CHD1L: variants seen among roughly 807,000 people sequenced by gnomAD.
The protein encoded by CHD1L is chromodomain helicase DNA binding protein 1 like.
CHD1L carries 118 observed loss-of-function variants against 115.9 expected under a neutral mutation model. That is an observed-to-expected ratio of 1.02 (90% CI 0.88 to 1.19). CHD1L has a LOEUF of 1.19. CHD1L is among the 50% of genes most tolerant of loss of function. The pLI, the probability that CHD1L is intolerant of heterozygous loss-of-function variation, is 0.00. For synonymous variants in CHD1L, 411 were observed against 387.1 expected (o/e 1.06, Z -0.72); for missense variants, 1,179 against 1,065.3 (o/e 1.11, Z -1.49).
At chr1:147,244,068 T>C (rs985151469) in intron 1 of CHD1L, among the ~76,000 whole-genome samples, 2 of 152,208 alleles carry the variant, frequency 1.3e-5, no homozygotes, top group Admixed American at 1.3e-4. Flanking sequence ...GACTGGTCTT[T>C]TTATGTTTGA....
the CHD1L span, among the ~76,000 whole-genome samples, chr1:147,206,528 G>C: frequency 7.9e-5 from 12 of 152,154 alleles, no homozygotes; most frequent in Admixed American, 6.5e-5. Context: ...GTCCAACAAT[G>C]ATAGACTGGA....
the CHD1L span, among the ~76,000 whole-genome samples, chr1:147,236,676 A>G: frequency 6.6e-6 from 1 of 152,034 alleles, no homozygotes; most frequent in South Asian, 2.1e-4. Context: ...GCTCCTCTCC[A>G]CAGCTGGCAG....
intron 22 of CHD1L, 134 bp from the exon 23 acceptor site, chr1:147,295,297 T>C (rs1553975887): frequency 1.5e-6 from 1 of 669,716 alleles, no homozygotes; most frequent in African/African-American, 1.8e-5. Context: ...ATATTGAAAG[T>C]GTTTATGATA....
chr1:147,224,977 G>A, the CHD1L span: 8 of 1,613,792 alleles, frequency 5.0e-6, no homozygotes, highest in East Asian at 8.9e-5. Context: ...GCACTTGATG[G>A]AAGAGAGCCC....
chr1:147,286,392 G>A lies in CHD1L; in HGVS notation c.2113G>A (p.Ala705Thr), dbSNP rs375815490. 8.7e-6 allele frequency: 14 copies of A among 1,614,156 alleles called. No homozygotes were observed. The South Asian group carries it at 1.3e-4, about 15-fold the overall frequency. Residue 705 changes from alanine to threonine, a missense_variant, in exon 18 of 23, where the codon GCT (alanine) becomes ACT (threonine). Transcript: ENST00000369258. The part of the protein sequence containing the change: ...EDLENGEESS[A>T]ELDYQDPDAT... ...CCTTGAGAATGGGGAAGAGAGCTCTGCTGAGCTGGATTACCAAGACCCAGA... is the reference window on the plus strand; with the variant it reads ...CCTTGAGAATGGGGAAGAGAGCTCTACTGAGCTGGATTACCAAGACCCAGA...
chr1:147,176,153 T>G, the CHD1L span: 5,615 of 152,300 alleles, frequency 0.037, 149 homozygotes, highest in South Asian at 0.096. Context: ...ATATATGAGT[T>G]TATACACAAG....
chr1:147,178,879 C>T, the CHD1L span: 17 of 1,573,608 alleles, frequency 1.1e-5, no homozygotes, highest in Non-Finnish European at 1.4e-5. Flanking sequence ...AGATTTGATA[C>T]AGGGCAAGGA....
At chr1:147,293,575 T>C in intron 20 of CHD1L, 33 bp from the exon 21 acceptor site, 1 of 1,579,362 alleles carries the variant, frequency 6.3e-7, no homozygotes, top group Non-Finnish European at 8.7e-7. Context: ...CTGTTTCATG[T>C]TGGGTTGGTC....
In CHD1L at chr1:147,264,404, T is replaced by C. The variant is rs778447080; in HGVS notation, c.577-18T>C. 225 of 1,552,182 alleles carry C rather than the reference T, an allele frequency of 1.4e-4. No homozygotes were observed. Among genetic ancestry groups the C allele is most frequent in the Non-Finnish European group, 1.9e-4 (218 of 1,147,726 alleles). On this transcript the variant is annotated intron_variant, in intron 6 of 22. Coordinates refer to ENST00000369258, the MANE Select transcript of CHD1L (RefSeq NM_004284.6). ...CCAGTGTTATGGAATTTTTATTTTA[T>C]TTATTTATGTATTTGAGTTCTCAGT...
At chr1:147,225,937 T>A in the CHD1L span, 1 of 152,166 alleles carries the variant, frequency 6.6e-6, no homozygotes, top group Non-Finnish European at 1.5e-5. Flanking sequence ...TCGTGATACA[T>A]CAAACAAGAG....
chr1:147,188,196 T>C, the CHD1L span, among the ~76,000 whole-genome samples: 1 of 152,122 alleles, frequency 6.6e-6, no homozygotes, highest in East Asian at 1.9e-4. Context: ...TAGACATGCA[T>C]TTATTTATCC....
At chr1:147,187,176 C>T in the CHD1L span, 3 of 1,613,982 alleles carry the variant, frequency 1.9e-6, no homozygotes. Context: ...TGACCCCCAC[C>T]AAATCAGCAA....
chr1:147,256,678 T>G (rs1368090812), intron 5 of CHD1L, 116 bp downstream of exon 5: 4 of 972,782 alleles, frequency 4.1e-6, no homozygotes, highest in Non-Finnish European at 6.4e-6. Flanking sequence ...TTCCATGAGT[T>G]CTGTTTATGG....
chr1:147,205,958 C>G, the CHD1L span, among the ~76,000 whole-genome samples: 1 of 152,076 alleles, frequency 6.6e-6, no homozygotes, highest in Non-Finnish European at 1.5e-5. Context: ...GCAAAAGAAA[C>G]TACCATCAAA....
At chr1:147,201,222 C>T in the CHD1L span, 1 of 1,614,162 alleles carries the variant, frequency 6.2e-7, no homozygotes, top group Non-Finnish European at 8.5e-7. Context: ...AGGGCTGAAT[C>T]AAGCCTATGA....
At chr1:147,207,833 C>A in the CHD1L span, among the ~76,000 whole-genome samples, 1 of 152,186 alleles carries the variant, frequency 6.6e-6, no homozygotes, top group Non-Finnish European at 1.5e-5. Flanking sequence ...AGTATGTGTG[C>A]CCCTCCCCTG....
chr1:147,290,283 C>G (rs1056370561), intron 19 of CHD1L, among the ~76,000 whole-genome samples: 1 of 152,036 alleles, frequency 6.6e-6, no homozygotes, highest in Admixed American at 6.5e-5. Context: ...CAGGGTTTTG[C>G]CATGTTGCCC....
chr1:147,289,109 A>G (rs1684515924), intron 19 of CHD1L, among the ~76,000 whole-genome samples: 1 of 152,160 alleles, frequency 6.6e-6, no homozygotes, highest in Non-Finnish European at 1.5e-5. Flanking sequence ...GAAGGGTTTA[A>G]TGTGTGTTGA....
chr1:147,294,602 G>T (rs1190383023), intron 22 of CHD1L, 85 bp downstream of exon 22: 4 of 1,057,218 alleles, frequency 3.8e-6, no homozygotes, highest in South Asian at 1.6e-5. Context: ...CTTAATCCAA[G>T]ACCAAGTTTC....
Sources: allele counts gnomAD v4.1 joint callset (sites outside exome capture counted in the v4.1 genomes callset), GRCh38; gene constraint gnomAD v4.1.1; transcripts MANE v1.5; gene names NCBI Gene and HGNC (gene_info 2026-07-23, HGNC 2026-07-21).